The following TMEM116 variants were observed in gnomAD, a reference collection of about 807,000 sequenced individuals.
The protein encoded by TMEM116 is transmembrane protein 116.
In TMEM116, 38 loss-of-function variants were observed where a neutral mutation model predicts 44.3. That is an observed-to-expected ratio of 0.86 (90% confidence interval 0.66 to 1.12). TMEM116 has a LOEUF of 1.12. TMEM116 is among the 50% of genes most tolerant of loss of function. The pLI is 0.00. For missense variants in TMEM116, 354 were observed against 401.7 expected, an observed-to-expected ratio of 0.88 and a Z score of 1.01; for synonymous variants, 132 against 144.8, an observed-to-expected ratio of 0.91 and a Z score of 0.64.
chr12:111,983,731 G>T (rs1169951837), intron 4 of TMEM116, among the ~76,000 whole-genome samples: 2 of 152,056 alleles, frequency 1.3e-5, no homozygotes, highest in African/African-American at 4.8e-5. Flanking sequence ...GGCTTTACTG[G>T]TAAATTCTAT....
intron 4 of TMEM116, among the ~76,000 whole-genome samples, chr12:111,988,170 AC>A (rs2076330085): frequency 1.3e-5 from 2 of 152,234 alleles, no homozygotes; most frequent in Admixed American, 1.3e-4. Context: ...AGGAGCTGGT[AC>A]TAGGGAGAAA....
chr12:112,006,714 AG>A (rs2077601660), intron 1 of TMEM116, among the ~76,000 whole-genome samples: 1 of 152,254 alleles, frequency 6.6e-6, no homozygotes, highest in African/African-American at 2.4e-5. Context: ...ACCTACACAG[AG>A]TAGCATTCAA....
intron 4 of TMEM116, among the ~76,000 whole-genome samples, chr12:111,969,671 G>A (rs1036719677): frequency 4.6e-5 from 7 of 152,098 alleles, no homozygotes; most frequent in East Asian, 2.0e-4. Flanking sequence ...TCCGCCTCCC[G>A]GGTTCACGCC....
At chr12:111,962,069 G>T (rs1593409588) in intron 4 of TMEM116, among the ~76,000 whole-genome samples, 1 of 152,120 alleles carries the variant, frequency 6.6e-6, no homozygotes, top group African/African-American at 2.4e-5. Context: ...ATTCACAATT[G>T]CTACAAAAGG....
intron 3 of TMEM116, among the ~76,000 whole-genome samples, chr12:111,998,334 A>T (rs2077043026): frequency 2.0e-5 from 3 of 152,234 alleles, no homozygotes; most frequent in Non-Finnish European, 4.4e-5. Flanking sequence ...GCTTGTGAAA[A>T]TATTAATTAT....
intron 3 of TMEM116, among the ~76,000 whole-genome samples, chr12:111,997,555 C>A (rs751220662): frequency 6.6e-6 from 1 of 151,476 alleles, no homozygotes; most frequent in Non-Finnish European, 1.5e-5. Flanking sequence ...ATCCTGTTAT[C>A]TAAAAAAAAA....
At chr12:111,970,876 G>A (rs955146785) in intron 4 of TMEM116, among the ~76,000 whole-genome samples, 1 of 152,126 alleles carries the variant, frequency 6.6e-6, no homozygotes, top group Non-Finnish European at 1.5e-5. Context: ...ACAGGCGTGA[G>A]CCACCATGCC....
At chr12:111,950,123 A>G (rs1314220270) in intron 4 of TMEM116, among the ~76,000 whole-genome samples, 1 of 152,040 alleles carries the variant, frequency 6.6e-6, no homozygotes, top group African/African-American at 2.4e-5. Context: ...CTCAAAAACA[A>G]AACAAAACAA....
At chr12:112,005,531 A>T (rs2077530498) in intron 1 of TMEM116, 2 of 477,332 alleles carry the variant, frequency 4.2e-6, no homozygotes, top group Admixed American at 5.0e-5. Context: ...ATGATTTTTT[A>T]AAAAATAGAG....
rs372986676 is a variant in TMEM116, at chr12:111,936,710, G to A, written c.570C>T (p.Leu190=). 3.2e-5 allele frequency: 51 copies of A among 1,613,880 alleles called. No homozygotes were observed. The highest frequency in any genetic ancestry group is 4.0e-5 in the Non-Finnish European group (47 of 1,179,948). ...ACCATACCATAATGGTAAGGAGGCT[G>A]AGTACAAAGCTGCCCAGGAAAATGG... ...GIAIFLGSFV[L]SLLTIMVLLI... Residue 190 remains leucine, a synonymous_variant, in exon 8 of 11, where the codon CTC becomes CTT. Transcript: ENST00000552374.
At position 111,931,614 on chromosome 12, in the gene TMEM116, T is replaced by A; in HGVS notation, c.*7A>T. On this transcript the variant is annotated 3_prime_UTR_variant, in exon 11 of 11. Coordinates refer to ENST00000552374, the MANE Select transcript of TMEM116 (RefSeq NM_001193531.2). ...CTCCAGTTCCTGGATGTTCCAGTATTGTAGTTTCAAAAAATGGTAGAAGTA... is the reference window on the plus strand; with the variant it reads ...CTCCAGTTCCTGGATGTTCCAGTATAGTAGTTTCAAAAAATGGTAGAAGTA... The A allele has an allele frequency of 6.2e-7, 1 of 1,612,750 alleles. No homozygotes were observed. The highest frequency in any genetic ancestry group is 8.5e-7 in the Non-Finnish European group (1 of 1,178,764).
chr12:111,994,587 G>A (rs2076825107), intron 3 of TMEM116, among the ~76,000 whole-genome samples: 1 of 152,162 alleles, frequency 6.6e-6, no homozygotes, highest in African/African-American at 2.4e-5. Flanking sequence ...TGGGGATGAA[G>A]TAATTCTTTA....
At chr12:111,944,830 C>T (rs2073119470) in intron 4 of TMEM116, among the ~76,000 whole-genome samples, 1 of 152,084 alleles carries the variant, frequency 6.6e-6, no homozygotes, top group African/African-American at 2.4e-5. Context: ...TGGAAGAATA[C>T]ACAGGGCATA....
At chr12:111,976,460 A>T (rs1410162482) in intron 4 of TMEM116, among the ~76,000 whole-genome samples, 1 of 152,180 alleles carries the variant, frequency 6.6e-6, no homozygotes, top group Non-Finnish European at 1.5e-5. Flanking sequence ...AGCCTGGGCA[A>T]CAAGAGCAAA....
At chr12:111,968,035 G>A (rs2075080975) in intron 4 of TMEM116, among the ~76,000 whole-genome samples, 1 of 151,960 alleles carries the variant, frequency 6.6e-6, no homozygotes, top group South Asian at 2.1e-4. Context: ...GACCAAGGTA[G>A]CTAGAATTCA....
intron 4 of TMEM116, among the ~76,000 whole-genome samples, chr12:111,961,427 C>A (rs2074580276): frequency 1.3e-5 from 2 of 152,128 alleles, no homozygotes; most frequent in Admixed American, 6.6e-5. Context: ...AAATCCTCAA[C>A]AAAATATGTC....
chr12:111,963,159 C>G (rs895202874), intron 4 of TMEM116, among the ~76,000 whole-genome samples: 1 of 152,214 alleles, frequency 6.6e-6, no homozygotes, highest in African/African-American at 2.4e-5. Flanking sequence ...AGTCAGGAAA[C>G]AACAGATACT....
intron 4 of TMEM116, 67 bp downstream of exon 4, chr12:111,991,691 C>CT: frequency 6.8e-7 from 1 of 1,462,144 alleles, no homozygotes; most frequent in South Asian, 1.4e-5. Flanking sequence ...GGTGAATCAT[C>CT]TTTGTTTCTA....
At chr12:112,000,254 C>G (rs755922227) in intron 3 of TMEM116, among the ~76,000 whole-genome samples, 3 of 152,072 alleles carry the variant, frequency 2.0e-5, no homozygotes, top group Non-Finnish European at 2.9e-5. Flanking sequence ...CTCAAATTAC[C>G]TATTTATCAT....
Sources: allele counts gnomAD v4.1 joint callset (sites outside exome capture counted in the v4.1 genomes callset), GRCh38; gene constraint gnomAD v4.1.1; transcripts MANE v1.5; gene names NCBI Gene and HGNC (gene_info 2026-07-23, HGNC 2026-07-21).